The following TASP1 variants were observed in gnomAD, a reference collection of about 807,000 sequenced individuals.
TASP1 encodes the protein threonine aspartase 1.
Under a neutral mutation model 56.6 loss-of-function variants are expected in TASP1, and 16 were observed. That is an observed-to-expected ratio of 0.28 (90% CI 0.19 to 0.43). The LOEUF is 0.43. Ranked by LOEUF, TASP1 falls within the 20% of genes least tolerant of loss-of-function variation. The pLI, the probability that TASP1 is intolerant of heterozygous loss-of-function variation, is 1.00. For synonymous variants in TASP1, 179 were observed against 184.2 expected, an observed-to-expected ratio of 0.97 and a Z score of 0.23; for missense variants, 393 against 511.6, an observed-to-expected ratio of 0.77 and a Z score of 2.24.
rs547417759 is a variant in TASP1, at chr20:13,527,017, T to C, written c.874+1416A>G. 2.6e-5 allele frequency among the ~76,000 whole-genome samples: 4 copies of C among 151,964 alleles called. No individual in the cohort carries two copies. The South Asian group carries it at 6.3e-4, about 24-fold the overall frequency. On this transcript the variant is annotated intron_variant, in intron 10 of 13. Transcript: ENST00000337743. The stretch of plus-strand genomic sequence containing the variant: ...AAGTAGATACAGACATGGAAGCCAA[T>C]CCCAAGAGAGAACAGCTGAAATCAT...
chr20:13,602,428 G>A (rs1463974282), intron 4 of TASP1, among the ~76,000 whole-genome samples: 1 of 152,156 alleles, frequency 6.6e-6, no homozygotes, highest in Non-Finnish European at 1.5e-5. Flanking sequence ...AACGAAGTAT[G>A]GATGTCAGTT....
intron 11 of TASP1, among the ~76,000 whole-genome samples, chr20:13,454,315 G>A (rs1318320881): frequency 1.3e-5 from 2 of 152,148 alleles, no homozygotes; most frequent in Non-Finnish European, 2.9e-5. Flanking sequence ...GAAGAGGCAG[G>A]AAGACTGCTT....
the TASP1 span, among the ~76,000 whole-genome samples, chr20:13,291,108 T>G: frequency 6.6e-6 from 1 of 152,204 alleles, no homozygotes; most frequent in Non-Finnish European, 1.5e-5. Flanking sequence ...TTTAAGTGCC[T>G]TGTCAGGGGA....
the TASP1 span, among the ~76,000 whole-genome samples, chr20:13,116,007 A>C: frequency 6.6e-6 from 1 of 152,230 alleles, no homozygotes; most frequent in Non-Finnish European, 1.5e-5. Context: ...TGTTGGAATT[A>C]ACTCACAAAC....
At chr20:13,415,946 T>G (rs1384317384) in intron 13 of TASP1, among the ~76,000 whole-genome samples, 1 of 152,206 alleles carries the variant, frequency 6.6e-6, no homozygotes, top group Non-Finnish European at 1.5e-5. Flanking sequence ...TTGGGGTTTA[T>G]CAGGCTTGTT....
At chr20:13,552,754 C>G (rs912301107) in intron 8 of TASP1, among the ~76,000 whole-genome samples, 1 of 152,158 alleles carries the variant, frequency 6.6e-6, no homozygotes, top group African/African-American at 2.4e-5. Flanking sequence ...AAGTTACATG[C>G]TGAGGAGGCA....
the TASP1 span, among the ~76,000 whole-genome samples, chr20:13,205,157 C>G: frequency 6.6e-6 from 1 of 152,148 alleles, no homozygotes; most frequent in Non-Finnish European, 1.5e-5. Context: ...ATCCATGCCT[C>G]TCCATAGGGA....
In TASP1 at chr20:13,390,077, A is replaced by G. The variant is rs577177937; in HGVS notation, c.*283T>C. 22 of 317,820 alleles carry G rather than the reference A, an allele frequency of 6.9e-5. No homozygotes were observed. The East Asian group carries it at 1.5e-3, about 21-fold the overall frequency. 19.7% of individuals were successfully genotyped at this position (317,820 alleles called of 1,614,324 possible). A position where few individuals can be genotyped will look rare whatever the true frequency, so the allele number is the denominator to read the frequency against. On this transcript the variant is annotated 3_prime_UTR_variant, in exon 14 of 14. Coordinates refer to ENST00000337743, the MANE Select transcript of TASP1 (RefSeq NM_017714.3). ...TGATTTAACCATTCCTGGTCACACAATGAGGAGTTTCTATTTCATCCACGG... is the reference window on the plus strand; with the variant it reads ...TGATTTAACCATTCCTGGTCACACAGTGAGGAGTTTCTATTTCATCCACGG...
chr20:13,580,918 G>A lies in TASP1; in HGVS notation c.467C>T (p.Ser156Leu), dbSNP rs780787096. The change falls in exon 6 of 14, where the codon TCG becomes TTG. Residue 156 changes from serine to leucine, a missense_variant. Transcript: ENST00000337743. ...TTACCAGGGAGGAATTCTGCCAGCC[G>A]AGAGCTTGCCCTTCTGCCCTTCACA... ...LLCEGQKGKL[S>L]AGRIPPCFLV... 6 of 1,613,010 alleles carry A rather than the reference G, an allele frequency of 3.7e-6. No individual in the cohort carries two copies. The highest frequency in any genetic ancestry group is 2.2e-5 in the East Asian group (1 of 44,820).
chr20:13,463,618 T>C (rs2146365198), intron 11 of TASP1, among the ~76,000 whole-genome samples: 1 of 152,098 alleles, frequency 6.6e-6, no homozygotes, highest in African/African-American at 2.4e-5. Flanking sequence ...TAATAAGAGG[T>C]TAATATCCAG....
Position 13,390,507 on chromosome 20 carries a change from A to G in TASP1, c.1171-55T>C, listed in dbSNP as rs193062788. On this transcript the variant is annotated intron_variant, in intron 13 of 13. Coordinates refer to ENST00000337743, the MANE Select transcript of TASP1 (RefSeq NM_017714.3). ...AGAGGGGTCAGCGGTGTCCCTTGCC[A>G]CACCCCTACCCGTGTCCAAAAAAGG... The G allele has an allele frequency of 3.9e-5, 60 of 1,529,590 alleles. No individual in the cohort carries two copies. The East Asian group carries it at 1.1e-3, about 29-fold the overall frequency. 94.8% of individuals were successfully genotyped at this position (1,529,590 alleles called of 1,614,324 possible).
At chr20:13,238,360 C>T in the TASP1 span, among the ~76,000 whole-genome samples, 2 of 152,160 alleles carry the variant, frequency 1.3e-5, no homozygotes, top group Admixed American at 1.3e-4. Context: ...ACCAGAGGGC[C>T]ACCTCACTAA....
chr20:13,568,002 C>A (rs966411986), intron 7 of TASP1, among the ~76,000 whole-genome samples: 6 of 152,124 alleles, frequency 3.9e-5, no homozygotes, highest in African/African-American at 1.4e-4. Context: ...AAATAAGTTC[C>A]ATTGGAAAGA....
chr20:13,619,196 C>T (rs943230522), intron 4 of TASP1, among the ~76,000 whole-genome samples: 5 of 152,144 alleles, frequency 3.3e-5, no homozygotes, highest in African/African-American at 1.2e-4. Flanking sequence ...CCGTGCCCGG[C>T]CCCTATCACT....
At chr20:13,380,751 CCTTT>C in the TASP1 span, among the ~76,000 whole-genome samples, 4 of 152,282 alleles carry the variant, frequency 2.6e-5, no homozygotes, top group East Asian at 1.9e-4. Context: ...GGGGCTGCTG[CCTTT>C]CTTTCAGAGA....
chr20:13,562,020 CA>C (rs2046359936), intron 7 of TASP1, among the ~76,000 whole-genome samples: 1 of 152,122 alleles, frequency 6.6e-6, no homozygotes, highest in Non-Finnish European at 1.5e-5. Context: ...GACATTTTTC[CA>C]AAATGTCCCA....
the TASP1 span, among the ~76,000 whole-genome samples, chr20:13,310,781 A>C: frequency 5.3e-5 from 8 of 152,238 alleles, no homozygotes; most frequent in Admixed American, 1.3e-4. Context: ...TCTCAAAAGA[A>C]GACATACAGA....
intron 5 of TASP1, among the ~76,000 whole-genome samples, chr20:13,585,280 C>T (rs1210152426): frequency 2.0e-5 from 3 of 152,164 alleles, no homozygotes; most frequent in Non-Finnish European, 2.9e-5. Context: ...AGATTATCTT[C>T]ATAACTTTGA....
In TASP1 at chr20:13,498,331, T is replaced by TGTG. The variant is rs2043808513; in HGVS notation, c.875-14995_875-14994insCAC. Among the ~76,000 whole-genome samples the TGTG allele has an allele frequency of 2.1e-3, 290 of 135,114 alleles. 1 individual carries two copies. The highest frequency in any genetic ancestry group is 3.2e-3 in the Non-Finnish European group (205 of 64,072). The allele number at this position is 135,114 out of a possible 152,430, so 88.6% of individuals were successfully genotyped here. On this transcript the variant is annotated intron_variant, in intron 10 of 13. Transcript: ENST00000337743. The stretch of plus-strand genomic sequence containing the variant: ...ATGAACAAACACTTTTTCTTTTCTT[T>TGTG]TGTGTGTGTGTGTGTGTGTGTGTGT...
Sources: gnomAD v4.1 joint callset for allele counts (sites outside exome capture counted in the v4.1 genomes callset) on GRCh38, gnomAD v4.1.1 for gene constraint, MANE v1.5 for transcripts, NCBI Gene and HGNC (gene_info 2026-07-23, HGNC 2026-07-21) for gene names.